SYNPR: variants seen among roughly 807,000 people sequenced by gnomAD.
The protein encoded by SYNPR is synaptoporin.
A neutral mutation model predicts 32.9 loss-of-function variants in SYNPR; 23 were observed. The observed-to-expected ratio is 0.70, with a 90% CI of 0.50 to 0.99. The LOEUF (loss-of-function observed/expected upper bound fraction) is 0.99. Among genes scored for constraint, SYNPR ranks in the 50% least tolerant of loss-of-function variants. SYNPR has a pLI of 0.00. For synonymous variants in SYNPR, 146 were observed against 135.9 expected (o/e 1.07, Z -0.52); for missense variants, 318 against 349.3 (o/e 0.91, Z 0.71).
intron 2 of SYNPR, among the ~76,000 whole-genome samples, chr3:63,479,780 A>T (rs1244016079): frequency 6.6e-6 from 1 of 152,184 alleles, no homozygotes; most frequent in Non-Finnish European, 1.5e-5. Flanking sequence ...TTCAGTGAGG[A>T]AATCAAGACA....
At chr3:63,340,756 G>C (rs1251615275) in intron 2 of SYNPR, among the ~76,000 whole-genome samples, 1 of 152,154 alleles carries the variant, frequency 6.6e-6, no homozygotes, top group Non-Finnish European at 1.5e-5. Context: ...TAGGTTTACA[G>C]AAAAGTTAAT....
At chr3:63,333,766 C>T (rs1165038783) in intron 2 of SYNPR, among the ~76,000 whole-genome samples, 1 of 152,102 alleles carries the variant, frequency 6.6e-6, no homozygotes, top group African/African-American at 2.4e-5. Context: ...ATTCATAGCA[C>T]CAGTCCAAAG....
chr3:63,374,529 C>A (rs919520900), intron 2 of SYNPR, among the ~76,000 whole-genome samples: 1 of 152,094 alleles, frequency 6.6e-6, no homozygotes, highest in Non-Finnish European at 1.5e-5. Flanking sequence ...CACCAAGCCC[C>A]TGTGACACAC....
chr3:63,538,342 C>T (rs371077683), intron 3 of SYNPR, among the ~76,000 whole-genome samples: 33 of 151,224 alleles, frequency 2.2e-4, no homozygotes, highest in African/African-American at 6.6e-4. Context: ...GGTGAGAATA[C>T]GTTTTGTGAA....
chr3:63,396,468 C>G (rs1254242563), intron 2 of SYNPR, among the ~76,000 whole-genome samples: 2 of 152,150 alleles, frequency 1.3e-5, no homozygotes, highest in African/African-American at 4.8e-5. Flanking sequence ...AAATCAGTAT[C>G]CCTTTCAGAA....
At chr3:63,550,386 T>C (rs953135892) in intron 3 of SYNPR, among the ~76,000 whole-genome samples, 1 of 151,774 alleles carries the variant, frequency 6.6e-6, no homozygotes, top group African/African-American at 2.4e-5. Flanking sequence ...TATATACACG[T>C]GTGTTTGTGT....
intron 2 of SYNPR, among the ~76,000 whole-genome samples, chr3:63,429,041 A>G (rs1253774381): frequency 1.3e-5 from 2 of 152,218 alleles, no homozygotes; most frequent in Non-Finnish European, 2.9e-5. Context: ...CGAGAACTGG[A>G]AGGCATATGG....
At chr3:63,266,514 CCAACA>C (rs1327754684) in intron 2 of SYNPR, among the ~76,000 whole-genome samples, 11 of 151,760 alleles carry the variant, frequency 7.2e-5, no homozygotes, top group African/African-American at 2.4e-4. Flanking sequence ...ACCAGCCTGA[CCAACA>C]TGGTGAAACC....
At chr3:63,614,509 G>A (rs1700249512) in intron 5 of SYNPR, among the ~76,000 whole-genome samples, 1 of 152,196 alleles carries the variant, frequency 6.6e-6, no homozygotes, top group African/African-American at 2.4e-5. Flanking sequence ...ATACTTCTCT[G>A]AAACCTGCAC....
chr3:63,472,389 G>A (rs920689836), intron 2 of SYNPR, among the ~76,000 whole-genome samples: 5 of 152,088 alleles, frequency 3.3e-5, no homozygotes, highest in Admixed American at 2.0e-4. Context: ...TTCTACTTTA[G>A]GATGTTGTTG....
At chr3:63,316,847 A>G (rs77949755) in intron 2 of SYNPR, among the ~76,000 whole-genome samples, 54 of 151,860 alleles carry the variant, frequency 3.6e-4, no homozygotes, top group African/African-American at 1.3e-3. Context: ...TGCTCTTTCA[A>G]TCTTTTTTAT....
upstream of SYNPR, among the ~76,000 whole-genome samples, chr3:63,276,292 A>G (rs966323184): frequency 1.3e-5 from 2 of 152,146 alleles, no homozygotes; most frequent in African/African-American, 4.8e-5. Flanking sequence ...GGATATATAG[A>G]TGTTGAGGTG....
intron 2 of SYNPR, among the ~76,000 whole-genome samples, chr3:63,473,937 T>A (rs1282428765): frequency 6.6e-6 from 1 of 152,178 alleles, no homozygotes; most frequent in African/African-American, 2.4e-5. Flanking sequence ...TCAGTTACTG[T>A]TTGATAACTG....
intron 2 of SYNPR, among the ~76,000 whole-genome samples, chr3:63,376,615 G>C (rs191057726): frequency 6.6e-6 from 1 of 152,004 alleles, no homozygotes; most frequent in Non-Finnish European, 1.5e-5. Flanking sequence ...AGATATTCAC[G>C]TGATTGTGAA....
At chr3:63,467,104 A>T (rs1192522184) in intron 2 of SYNPR, among the ~76,000 whole-genome samples, 3 of 152,120 alleles carry the variant, frequency 2.0e-5, no homozygotes, top group Admixed American at 6.5e-5. Context: ...TTAACCCCTC[A>T]GGCTCACGTC....
intron 2 of SYNPR, among the ~76,000 whole-genome samples, chr3:63,312,009 G>A (rs1216803094): frequency 6.6e-6 from 1 of 151,926 alleles, no homozygotes; most frequent in Non-Finnish European, 1.5e-5. Flanking sequence ...GGGTAATACA[G>A]GATGGTCCCT....
chr3:63,237,871 AGGTGTCTCTG>A (rs1160006037), intron 1 of SYNPR, among the ~76,000 whole-genome samples: 1 of 151,996 alleles, frequency 6.6e-6, no homozygotes, highest in Non-Finnish European at 1.5e-5. Context: ...GCCTGGCCTC[AGGTGTCTCTG>A]GGAGGGTTGG....
intron 2 of SYNPR, among the ~76,000 whole-genome samples, chr3:63,414,017 T>G (rs1161650377): frequency 6.7e-6 from 1 of 150,234 alleles, no homozygotes; most frequent in Non-Finnish European, 1.5e-5. Context: ...TACATATATA[T>G]ATATATAGAG....
chr3:63,305,475 T>C (rs2086900514), intron 2 of SYNPR, among the ~76,000 whole-genome samples: 1 of 152,088 alleles, frequency 6.6e-6, no homozygotes, highest in African/African-American at 2.4e-5. Flanking sequence ...TGAAAGCTTG[T>C]TGAATATTTA....
Sources: allele counts gnomAD v4.1 joint callset (sites outside exome capture counted in the v4.1 genomes callset), GRCh38; gene constraint gnomAD v4.1.1; transcripts MANE v1.5; gene names NCBI Gene and HGNC (gene_info 2026-07-23, HGNC 2026-07-21).